The following ARHGAP18 variants were observed in gnomAD, a reference collection of about 807,000 sequenced individuals.
ARHGAP18 encodes the protein rho GTPase-activating protein 18.
A neutral mutation model predicts 86.2 loss-of-function variants in ARHGAP18; 67 were observed. The observed-to-expected ratio is 0.78, with a 90% CI of 0.64 to 0.95. ARHGAP18 has a LOEUF of 0.95. Ranked by LOEUF, ARHGAP18 falls within the 40% of genes least tolerant of loss-of-function variation. The probability of loss-of-function intolerance (pLI) is 0.00; values close to 1 mark genes in which losing one functional copy is unlikely to be tolerated. For missense variants in ARHGAP18, 691 were observed against 780.4 expected, an observed-to-expected ratio of 0.89 and a Z score of 1.37; for synonymous variants, 283 against 280.4, an observed-to-expected ratio of 1.01 and a Z score of -0.09.
At position 129,608,061 on chromosome 6, in the gene ARHGAP18, CACGAAAA is replaced by C; in HGVS notation, c.1123-16_1123-10del. 2 of 704,468 alleles carry C rather than the reference CACGAAAA, an allele frequency of 2.8e-6. No individual in the cohort carries two copies. Among genetic ancestry groups the C allele is most frequent in the South Asian group, 5.5e-5 (2 of 36,338 alleles). 43.6% of individuals were successfully genotyped at this position (704,468 alleles called of 1,614,324 possible). ...AGTTCTTGGCAAAGATTCTGATAGGCACGAAAAAAAAAAAAAAAAAAAAAAGAAGCAG... is the reference window on the plus strand; with the variant it reads ...AGTTCTTGGCAAAGATTCTGATAGGCAAAAAAAAAAAAAAAAAAGAAGCAG... On this transcript the variant is annotated splice_polypyrimidine_tract_variant and intron_variant, in intron 8 of 14. Coordinates refer to ENST00000368149, the MANE Select transcript of ARHGAP18 (RefSeq NM_033515.3).
chr6:129,650,079 A>AT (rs552437933), intron 1 of ARHGAP18, among the ~76,000 whole-genome samples: 43,435 of 136,566 alleles, frequency 0.32, 6,935 homozygotes, highest in Middle Eastern at 0.4. Flanking sequence ...CACCTGGCTA[A>AT]TTTTTTTTTT....
rs1220136567 is a variant in ARHGAP18, at chr6:129,626,063, T to TACACACAC, written c.786+3289_786+3290insGTGTGTGT. Among the ~76,000 whole-genome samples the TACACACAC allele has an allele frequency of 3.3e-3, 93 of 28,372 alleles. 1 individual carries two copies. The highest frequency in any genetic ancestry group is 7.4e-3 in the South Asian group (6 of 816). The allele number at this position is 28,372 out of a possible 152,430, so 18.6% of individuals were successfully genotyped here. Reference sequence around the variant, plus strand: ...ATACACACACACATATATATACACATATACACACACACACACACACACACA... The same window carrying TACACACAC: ...ATACACACACACATATATATACACATACACACACATACACACACACACACACACACACA... On this transcript the variant is annotated intron_variant, in intron 5 of 14. Coordinates refer to ENST00000368149, the MANE Select transcript of ARHGAP18 (RefSeq NM_033515.3).
Position 129,577,599 on chromosome 6 carries a change from C to T in ARHGAP18, c.*914G>A, listed in dbSNP as rs1268664480. 2.0e-5 allele frequency: 3 copies of T among 151,834 alleles called. No homozygotes were observed. In the East Asian group the frequency reaches 5.8e-4, roughly 29 times the overall value. The allele number at this position is 151,834 out of a possible 1,614,324, so 9.4% of individuals were successfully genotyped here. A position where few individuals can be genotyped will look rare whatever the true frequency, so the allele number is the denominator to read the frequency against. ...TTATTCAGGACTTAAAAAAAAAAAT[C>T]CCTCTTTAAGTAAAATACATTCTTC... On this transcript the variant is annotated 3_prime_UTR_variant, in exon 15 of 15. Coordinates refer to ENST00000368149, the MANE Select transcript of ARHGAP18 (RefSeq NM_033515.3).
In ARHGAP18 at chr6:129,578,569, C is replaced by T. The variant is rs1788226177; in HGVS notation, c.1936G>A (p.Asp646Asn). The T allele has an allele frequency of 1.9e-6, 3 of 1,611,590 alleles. No individual in the cohort carries two copies. The highest frequency in any genetic ancestry group is 2.5e-6 in the Non-Finnish European group (3 of 1,178,520). The change falls in exon 15 of 15, where the codon GAT (aspartate) becomes AAT (asparagine). Residue 646 changes from aspartate to asparagine, a missense_variant. By Grantham distance (23) the Asp-to-Asn change is conservative. Transcript: ENST00000368149. ...RCLDDDTYMKDLYQLNPNAEW... is the reference protein window; with the variant it reads ...RCLDDDTYMKNLYQLNPNAEW... ...GCATTTGGGTTAAGCTGATATAAATCCTTCATGTAAGTGTCATCATCAAGG... is the reference window on the plus strand; with the variant it reads ...GCATTTGGGTTAAGCTGATATAAATTCTTCATGTAAGTGTCATCATCAAGG...
intron 2 of ARHGAP18, among the ~76,000 whole-genome samples, chr6:129,641,298 T>C (rs369033257): frequency 8.5e-5 from 13 of 152,196 alleles, no homozygotes; most frequent in African/African-American, 2.2e-4. Flanking sequence ...AAGGCTATCA[T>C]GTAAAAATAG....
chr6:129,639,504 T>A (rs1046480388), intron 2 of ARHGAP18, among the ~76,000 whole-genome samples: 2 of 152,172 alleles, frequency 1.3e-5, no homozygotes, highest in Non-Finnish European at 2.9e-5. Flanking sequence ...ATCTGTAAAC[T>A]AAAGCACACC....
At chr6:129,580,667 G>T (rs530646883) in intron 13 of ARHGAP18, among the ~76,000 whole-genome samples, 4 of 152,076 alleles carry the variant, frequency 2.6e-5, no homozygotes, top group Non-Finnish European at 5.9e-5. Flanking sequence ...CAGGTAGATC[G>T]CTTGAGCCCA....
intron 1 of ARHGAP18, among the ~76,000 whole-genome samples, chr6:129,695,866 C>T (rs959571821): frequency 6.6e-6 from 1 of 152,134 alleles, no homozygotes; most frequent in African/African-American, 2.4e-5. Context: ...GTCCACCACC[C>T]GCCCCACCCA....
chr6:129,582,307 A>G (rs1419360398), intron 13 of ARHGAP18, among the ~76,000 whole-genome samples: 2 of 152,214 alleles, frequency 1.3e-5, no homozygotes, highest in Non-Finnish European at 2.9e-5. Context: ...TAAATATTAA[A>G]GTCACAGTTG....
At chr6:129,676,912 CCTCTTTTTT>C (rs374806636) in intron 1 of ARHGAP18, among the ~76,000 whole-genome samples, 5,366 of 103,698 alleles carry the variant, frequency 0.052, 327 homozygotes, top group East Asian at 0.22. Context: ...AATTTTTTGT[CCTCTTTTTT>C]TTTTTTTTTT....
intron 3 of ARHGAP18, among the ~76,000 whole-genome samples, chr6:129,634,571 C>T (rs1773293126): frequency 6.6e-6 from 1 of 152,000 alleles, no homozygotes; most frequent in Admixed American, 6.6e-5. Flanking sequence ...CACAAAGAGC[C>T]ACATATTCTA....
intron 1 of ARHGAP18, among the ~76,000 whole-genome samples, chr6:129,699,771 CA>C (rs1256493717): frequency 6.6e-6 from 1 of 152,190 alleles, no homozygotes; most frequent in African/African-American, 2.4e-5. Flanking sequence ...AAAAAGTCCC[CA>C]GTCTCTTAGA....
chr6:129,680,334 T>C (rs1029849314), intron 1 of ARHGAP18, among the ~76,000 whole-genome samples: 3 of 152,238 alleles, frequency 2.0e-5, no homozygotes, highest in African/African-American at 4.8e-5. Flanking sequence ...GTTTTTCTGC[T>C]TCTGAATAGG....
intron 1 of ARHGAP18, among the ~76,000 whole-genome samples, chr6:129,657,542 T>C (rs1773865223): frequency 6.6e-6 from 1 of 152,108 alleles, no homozygotes; most frequent in African/African-American, 2.4e-5. Flanking sequence ...CTTCTAAGCA[T>C]GAATCCCAAA....
chr6:129,693,472 G>A (rs994984593), intron 1 of ARHGAP18, among the ~76,000 whole-genome samples: 1 of 152,152 alleles, frequency 6.6e-6, no homozygotes, highest in Admixed American at 6.6e-5. Flanking sequence ...CCCCAGCCTA[G>A]GGCTTTCTCT....
intron 12 of ARHGAP18, among the ~76,000 whole-genome samples, chr6:129,593,972 T>C (rs1788566523): frequency 6.6e-6 from 1 of 152,154 alleles, no homozygotes; most frequent in African/African-American, 2.4e-5. Flanking sequence ...TTAGTTTTAA[T>C]AGCATACAAA....
At chr6:129,692,094 T>A (rs1276718327) in intron 1 of ARHGAP18, among the ~76,000 whole-genome samples, 1 of 152,186 alleles carries the variant, frequency 6.6e-6, no homozygotes, top group Non-Finnish European at 1.5e-5. Context: ...CCCCTGCCCA[T>A]TTTTCTGTTC....
At chr6:129,707,245 G>A (rs11154493) in intron 1 of ARHGAP18, among the ~76,000 whole-genome samples, 124,015 of 149,704 alleles carry the variant, frequency 0.83, 51,371 homozygotes, top group Admixed American at 0.85. Flanking sequence ...AAAAAAAAAA[G>A]GAAACAATTT....
chr6:129,627,313 G>T (rs1025252728), intron 5 of ARHGAP18, among the ~76,000 whole-genome samples: 1 of 151,948 alleles, frequency 6.6e-6, no homozygotes, highest in Non-Finnish European at 1.5e-5. Flanking sequence ...GAAAATATTA[G>T]ATCATAATTT....
Sources: gnomAD v4.1 joint callset for allele counts (sites outside exome capture counted in the v4.1 genomes callset) on GRCh38, gnomAD v4.1.1 for gene constraint, MANE v1.5 for transcripts, NCBI Gene and HGNC (gene_info 2026-07-23, HGNC 2026-07-21) for gene names.